GRID2: variants seen among roughly 807,000 people sequenced by gnomAD.
GRID2 encodes the protein glutamate ionotropic receptor delta type subunit 2.
In GRID2, 33 loss-of-function variants were observed where a neutral mutation model predicts 114.8. The observed-to-expected ratio is 0.29, with a 90% CI of 0.22 to 0.38. The LOEUF (loss-of-function observed/expected upper bound fraction) is 0.38, where lower values mean the gene tolerates loss of function less well. Ranked by LOEUF, GRID2 falls within the 10% of genes least tolerant of loss-of-function variation. The probability of loss-of-function intolerance (pLI) is 1.00; values close to 1 mark genes in which losing one functional copy is unlikely to be tolerated. For missense variants in GRID2, 1,184 were observed against 1,257.7 expected (o/e 0.94, Z 0.89); for synonymous variants, 505 against 449.9 (o/e 1.12, Z -1.55).
At chr4:92,784,159 G>A (rs550941814) in intron 2 of GRID2, among the ~76,000 whole-genome samples, 3 of 151,894 alleles carry the variant, frequency 2.0e-5, no homozygotes, top group Non-Finnish European at 4.4e-5. Context: ...TTGGATAAGA[G>A]CATGTTTCAA....
chr4:92,502,711 T>A (rs1294848173), intron 1 of GRID2, among the ~76,000 whole-genome samples: 8 of 110,294 alleles, frequency 7.3e-5, no homozygotes, highest in African/African-American at 1.9e-4. Context: ...ATTTCTTTTT[T>A]TTTTTTTTTT....
At chr4:92,379,303 C>A (rs1729505063) in intron 1 of GRID2, among the ~76,000 whole-genome samples, 1 of 151,904 alleles carries the variant, frequency 6.6e-6, no homozygotes, top group Non-Finnish European at 1.5e-5. Context: ...AAGATGATGT[C>A]AATAGCTGTT....
chr4:93,394,482 A>G (rs143161521), intron 8 of GRID2, among the ~76,000 whole-genome samples: 13 of 152,034 alleles, frequency 8.6e-5, no homozygotes, highest in Middle Eastern at 6.8e-3. Flanking sequence ...TTTAATAGGA[A>G]GCACCTAAAT....
intron 13 of GRID2, among the ~76,000 whole-genome samples, chr4:93,595,839 C>T (rs1739025127): frequency 6.6e-6 from 1 of 152,130 alleles, no homozygotes; most frequent in African/African-American, 2.4e-5. Flanking sequence ...GTTATTTGCT[C>T]TTCAGGTACC....
chr4:92,356,500 AT>A (rs2110193057), intron 1 of GRID2, among the ~76,000 whole-genome samples: 1 of 151,730 alleles, frequency 6.6e-6, no homozygotes, highest in African/African-American at 2.4e-5. Context: ...GCCATAAAAA[AT>A]TTATATGCAT....
At chr4:92,444,264 A>G (rs188664102) in intron 1 of GRID2, among the ~76,000 whole-genome samples, 2 of 152,296 alleles carry the variant, frequency 1.3e-5, no homozygotes, top group Non-Finnish European at 2.9e-5. Context: ...ACATCTGCTT[A>G]TTTCACCTGG....
chr4:93,702,569 T>C lies in GRID2; in HGVS notation c.2361-66641T>C, dbSNP rs144526053. Among the ~76,000 whole-genome samples the C allele has an allele frequency of 3.0e-3, 459 of 152,254 alleles. 3 individuals are homozygous for C. Among genetic ancestry groups the C allele is most frequent in the African/African-American group, 0.01 (435 of 41,564 alleles). ...ATTATTGTACATATCTCCTTTGGCA[T>C]GTATGCAAGAGTTTATCTGAGAGAA... On this transcript the variant is annotated intron_variant, in intron 14 of 15. Coordinates refer to ENST00000282020, the MANE Select transcript of GRID2 (RefSeq NM_001510.4).
chr4:93,199,028 G>A (rs912036731), intron 4 of GRID2, among the ~76,000 whole-genome samples: 1 of 152,002 alleles, frequency 6.6e-6, no homozygotes, highest in African/African-American at 2.4e-5. Flanking sequence ...AAAAATAATA[G>A]CTACAAGAAA....
intron 2 of GRID2, among the ~76,000 whole-genome samples, chr4:92,953,639 G>A (rs932709400): frequency 7.2e-5 from 11 of 151,838 alleles, no homozygotes; most frequent in African/African-American, 9.7e-5. Context: ...CAAGTCTCTC[G>A]ACAGGGAACA....
At chr4:93,017,381 T>C (rs1343697648) in intron 2 of GRID2, among the ~76,000 whole-genome samples, 3 of 152,186 alleles carry the variant, frequency 2.0e-5, no homozygotes, top group African/African-American at 7.2e-5. Flanking sequence ...GCCTAACCTA[T>C]ATTTAAGTAT....
chr4:93,806,321 A>T (rs1175690110), intron 1 of GRID2, among the ~76,000 whole-genome samples: 3 of 152,242 alleles, frequency 2.0e-5, no homozygotes, highest in East Asian at 1.9e-4. Flanking sequence ...GTGTGACTGT[A>T]TATCGACACC....
At chr4:92,943,820 C>G (rs1751375516) in intron 2 of GRID2, among the ~76,000 whole-genome samples, 1 of 152,200 alleles carries the variant, frequency 6.6e-6, no homozygotes, top group African/African-American at 2.4e-5. Context: ...AGCTGCAGGT[C>G]TGTTGGAGTT....
chr4:92,982,572 C>T (rs1264000749), intron 2 of GRID2, among the ~76,000 whole-genome samples: 1 of 152,044 alleles, frequency 6.6e-6, no homozygotes. Context: ...CTTTCATCCT[C>T]ACCATCAATG....
chr4:92,625,174 A>T (rs1448011254), intron 2 of GRID2, among the ~76,000 whole-genome samples: 2 of 151,822 alleles, frequency 1.3e-5, no homozygotes, highest in Non-Finnish European at 2.9e-5. Flanking sequence ...ACATTATTAA[A>T]TCTTAGAATG....
intron 8 of GRID2, among the ~76,000 whole-genome samples, chr4:93,375,228 T>G (rs951800632): frequency 2.0e-5 from 3 of 150,780 alleles, no homozygotes; most frequent in Non-Finnish European, 1.5e-5. Context: ...TTTTTTTTTT[T>G]TTTGAGACAG....
intron 8 of GRID2, among the ~76,000 whole-genome samples, chr4:93,255,319 C>G (rs866211742): frequency 7.2e-5 from 11 of 152,022 alleles, no homozygotes; most frequent in Admixed American, 6.6e-5. Context: ...CTTAAAAAAA[C>G]CTTTAGTTTG....
At chr4:93,472,123 A>G (rs1226538189) in intron 11 of GRID2, among the ~76,000 whole-genome samples, 4 of 151,172 alleles carry the variant, frequency 2.6e-5, no homozygotes, top group Non-Finnish European at 1.5e-5. Flanking sequence ...TTGGGAGTTC[A>G]AGACCAGCCT....
At chr4:93,474,451 A>G (rs192771364) in intron 11 of GRID2, among the ~76,000 whole-genome samples, 52 of 152,110 alleles carry the variant, frequency 3.4e-4, no homozygotes, top group Non-Finnish European at 6.0e-4. Context: ...ATTATTTCCA[A>G]CTCAAAATAA....
intron 13 of GRID2, among the ~76,000 whole-genome samples, chr4:93,544,787 A>T (rs1733046405): frequency 6.6e-6 from 1 of 151,696 alleles, no homozygotes; most frequent in South Asian, 2.1e-4. Context: ...GGAAAAAAAA[A>T]AAAAGAAAAA....
Sources: allele counts gnomAD v4.1 joint callset (sites outside exome capture counted in the v4.1 genomes callset), GRCh38; gene constraint gnomAD v4.1.1; transcripts MANE v1.5; gene names NCBI Gene and HGNC (gene_info 2026-07-23, HGNC 2026-07-21).